GPATCH2L: variants seen among roughly 807,000 people sequenced by gnomAD.
GPATCH2L encodes the protein G patch domain-containing protein 2-like.
A neutral mutation model predicts 57.4 loss-of-function variants in GPATCH2L; 31 were observed. That is an observed-to-expected ratio of 0.54 (90% CI 0.41 to 0.73). The LOEUF (loss-of-function observed/expected upper bound fraction) is 0.73, where lower values mean the gene tolerates loss of function less well. GPATCH2L is among the 30% of genes least tolerant of loss of function. The pLI is 0.00. For missense variants in GPATCH2L, 481 were observed against 599.9 expected (o/e 0.80, Z 2.07); for synonymous variants, 199 against 210.7 (o/e 0.94, Z 0.48).
In GPATCH2L at chr14:76,213,446, G is replaced by A. The variant is rs2040464373; in HGVS notation, c.*11595G>A. 6.6e-6 allele frequency: 1 copy of A among 152,142 alleles called. No individual in the cohort carries two copies. Among genetic ancestry groups the A allele is most frequent in the African/African-American group, 2.4e-5 (1 of 41,432 alleles). 9.4% of individuals were successfully genotyped at this position (152,142 alleles called of 1,614,324 possible). On this transcript the variant is annotated 3_prime_UTR_variant, in exon 10 of 10. Coordinates refer to ENST00000261530, the MANE Select transcript of GPATCH2L (RefSeq NM_017926.4). ...AAAGACCCAATGAAAACAAAGAAATGCATTTGGAGAATTAACAGAAACTTT... is the reference window on the plus strand; with the variant it reads ...AAAGACCCAATGAAAACAAAGAAATACATTTGGAGAATTAACAGAAACTTT...
intron 7 of GPATCH2L, chr14:76,178,448 G>A (rs1007837764): frequency 3.6e-5 from 10 of 281,024 alleles, no homozygotes; most frequent in South Asian, 1.1e-4. Flanking sequence ...GTGGTGAGGG[G>A]GGTGGTTTTG....
chr14:76,200,375 G>T (rs977932216), intron 9 of GPATCH2L, among the ~76,000 whole-genome samples: 1 of 152,142 alleles, frequency 6.6e-6, no homozygotes, highest in South Asian at 2.1e-4. Context: ...TTTTTCTAGG[G>T]TAGTGCTTTT....
intron 1 of GPATCH2L, among the ~76,000 whole-genome samples, chr14:76,228,725 T>C (rs1243116291): frequency 6.6e-6 from 1 of 152,196 alleles, no homozygotes; most frequent in African/African-American, 2.4e-5. Context: ...CTGTGTCCTT[T>C]GGTGACTGTG....
intron 8 of GPATCH2L, among the ~76,000 whole-genome samples, chr14:76,188,459 A>T (rs2039852141): frequency 6.6e-6 from 1 of 152,070 alleles, no homozygotes; most frequent in African/African-American, 2.4e-5. Flanking sequence ...CATTTTTCTG[A>T]TGATCAGTGA....
downstream of GPATCH2L, among the ~76,000 whole-genome samples, chr14:76,215,914 A>T (rs868129181): frequency 7.9e-5 from 12 of 151,748 alleles, no homozygotes; most frequent in South Asian, 2.1e-4. Context: ...AAGTATAATT[A>T]AAAAAATAAA....
intron 9 of GPATCH2L, among the ~76,000 whole-genome samples, chr14:76,198,095 A>T (rs2040210663): frequency 9.1e-5 from 1 of 11,010 alleles, no homozygotes; most frequent in Non-Finnish European, 2.5e-4. Context: ...AAAAGACTGT[A>T]AATGACCATA....
downstream of GPATCH2L, among the ~76,000 whole-genome samples, chr14:76,218,130 G>A (rs888399749): frequency 2.0e-5 from 3 of 152,106 alleles, no homozygotes; most frequent in Admixed American, 2.0e-4. Context: ...GAGAATACCA[G>A]AAGCAATTTC....
At chr14:76,228,224 C>T (rs1215818779) in intron 1 of GPATCH2L, among the ~76,000 whole-genome samples, 1 of 151,886 alleles carries the variant, frequency 6.6e-6, no homozygotes, top group African/African-American at 2.4e-5. Flanking sequence ...TACCCTGAAA[C>T]CCCAGAAGGA....
chr14:76,176,678 C>G lies in GPATCH2L; in HGVS notation c.1040C>G (p.Pro347Arg), dbSNP rs1473318684. ...TERISHIISD[P>R]RQKEKNKALA... is the part of the protein sequence containing the mutation. ...AGGATAAGCCATATCATTAGTGACC[C>G]TCGGCAGAAAGAGTAAGTGCTTATG... Residue 347 changes from proline (P) to arginine (R), a missense_variant, in exon 6 of 10, where the codon CCT (proline) becomes CGT (arginine). Pro to Arg is a moderately radical substitution (Grantham distance 103, BLOSUM62 -2). This residue lies in a region of GPATCH2L where 248 missense variants were observed against 270.5 expected (regional missense o/e 0.92). Transcript: ENST00000261530. 2 of 1,606,790 alleles carry G rather than the reference C, an allele frequency of 1.2e-6. No homozygotes were observed. Among genetic ancestry groups the G allele is most frequent in the Admixed American group, 3.3e-5 (2 of 60,014 alleles).
intron 2 of GPATCH2L, among the ~76,000 whole-genome samples, chr14:76,156,482 T>C (rs760979619): frequency 4.6e-5 from 7 of 152,248 alleles, no homozygotes; most frequent in Non-Finnish European, 7.3e-5. Context: ...TAATGCCTCA[T>C]TCCTTCTAAG....
intron 2 of GPATCH2L, among the ~76,000 whole-genome samples, chr14:76,156,078 A>G (rs540379048): frequency 6.6e-6 from 1 of 152,208 alleles, no homozygotes; most frequent in South Asian, 2.1e-4. Context: ...GGATACCACT[A>G]TTTGTATTTA....
chr14:76,157,762 T>G (rs990731818), intron 2 of GPATCH2L, among the ~76,000 whole-genome samples: 1 of 152,144 alleles, frequency 6.6e-6, no homozygotes, highest in African/African-American at 2.4e-5. Context: ...AAACTCACTC[T>G]TTGCGACCTA....
intron 3 of GPATCH2L, among the ~76,000 whole-genome samples, chr14:76,170,972 A>G (rs923835638): frequency 1.3e-5 from 2 of 152,092 alleles, no homozygotes; most frequent in Non-Finnish European, 2.9e-5. Context: ...ATATTTACAG[A>G]TTTTTAGCAT....
chr14:76,162,684 C>G (rs1367061316), intron 2 of GPATCH2L, among the ~76,000 whole-genome samples: 1 of 152,100 alleles, frequency 6.6e-6, no homozygotes, highest in Non-Finnish European at 1.5e-5. Flanking sequence ...GATGTTTTTA[C>G]TTTGATTTCA....
At chr14:76,164,692 C>T (rs1347451156) in intron 2 of GPATCH2L, among the ~76,000 whole-genome samples, 4 of 152,128 alleles carry the variant, frequency 2.6e-5, no homozygotes, top group African/African-American at 9.7e-5. Context: ...GAAAACCATA[C>T]CCTTTAATTG....
rs1349948156 is a variant in GPATCH2L, at chr14:76,206,180, G to A, written c.*4329G>A. On this transcript the variant is annotated 3_prime_UTR_variant, in exon 10 of 10. Transcript: ENST00000261530. ...CACTCCTGTTGTGAAAGGTCACAGA[G>A]TTACTGTCACTGGCAACAATTTCGC... 1 of 152,266 alleles carries A rather than the reference G, an allele frequency of 6.6e-6. No individual in the cohort carries two copies. Among genetic ancestry groups the A allele is most frequent in the Non-Finnish European group, 1.5e-5 (1 of 68,064 alleles). 9.4% of individuals were successfully genotyped at this position (152,266 alleles called of 1,614,324 possible). A position where few individuals can be genotyped will look rare whatever the true frequency, so the allele number is the denominator to read the frequency against.
intron 1 of GPATCH2L, among the ~76,000 whole-genome samples, chr14:76,227,763 T>A (rs2040542340): frequency 6.6e-6 from 1 of 152,198 alleles, no homozygotes; most frequent in Non-Finnish European, 1.5e-5. Flanking sequence ...TGCATAGGTA[T>A]GTAAAACATG....
At chr14:76,216,268 A>G (rs986687938), downstream of GPATCH2L, among the ~76,000 whole-genome samples, 21 of 152,176 alleles carry the variant, frequency 1.4e-4, no homozygotes, top group African/African-American at 4.3e-4. Flanking sequence ...ATGTTTAACA[A>G]GTTGTCCCTT....
intron 1 of GPATCH2L, among the ~76,000 whole-genome samples, chr14:76,222,523 C>G (rs1237944870): frequency 1.3e-5 from 2 of 152,126 alleles, no homozygotes; most frequent in African/African-American, 4.8e-5. Context: ...GGGGGAATCA[C>G]CTGAGCCAGG....
Sources: gnomAD v4.1 joint callset for allele counts (sites outside exome capture counted in the v4.1 genomes callset) on GRCh38, gnomAD v4.1.1 for gene constraint, gnomAD v4.1.1 regional missense constraint, MANE v1.5 for transcripts, NCBI Gene and HGNC (gene_info 2026-07-23, HGNC 2026-07-21) for gene names.